ZNF75D: variants seen among roughly 807,000 people sequenced by gnomAD.
ZNF75D encodes zinc finger protein 75D, also known as zinc finger protein 75.
A neutral mutation model predicts 33.3 loss-of-function variants in ZNF75D; 33 were observed. The observed-to-expected ratio is 0.99, with a 90% CI of 0.75 to 1.32. ZNF75D has a LOEUF of 1.32. Among genes scored for constraint, ZNF75D ranks in the 40% most tolerant of loss-of-function variants. ZNF75D has a pLI of 0.00. For missense variants in ZNF75D, 338 were observed against 367.5 expected (o/e 0.92, Z 0.66); for synonymous variants, 113 against 130.6 (o/e 0.87, Z 0.92).
intron 1 of ZNF75D, among the ~76,000 whole-genome samples, chrX:135,317,645 G>A (rs1384782937): frequency 1.8e-5 from 2 of 110,774 alleles, no homozygotes; most frequent in African/African-American, 6.6e-5. Context: ...ACAGGTAGGT[G>A]TCACCTGTGG....
chrX:135,314,674 C>A (rs188542100), intron 1 of ZNF75D, among the ~76,000 whole-genome samples: 116 of 111,635 alleles, frequency 1.0e-3, no homozygotes, highest in Non-Finnish European at 2.0e-3. Context: ...TTGGTCTGTT[C>A]AGGCTTTCTC....
At chrX:135,339,614 C>T (rs2084758360) in intron 1 of ZNF75D, among the ~76,000 whole-genome samples, 1 of 112,096 alleles carries the variant, frequency 8.9e-6, no homozygotes, top group Non-Finnish European at 1.9e-5. Context: ...TCCCAAGCCT[C>T]CCTCCAGGGT....
At chrX:135,281,618 A>G (rs1347375107), downstream of ZNF75D, among the ~76,000 whole-genome samples, 1 of 111,458 alleles carries the variant, frequency 9.0e-6, no homozygotes, top group Non-Finnish European at 1.9e-5. Flanking sequence ...CCTCATCTTC[A>G]TGGATTTATC....
At chrX:135,308,114 C>T (rs918507428) in intron 1 of ZNF75D, among the ~76,000 whole-genome samples, 3 of 112,462 alleles carry the variant, frequency 2.7e-5, no homozygotes, top group South Asian at 3.7e-4. Flanking sequence ...TCCACTTACC[C>T]TATTCTGCTC....
chrX:135,266,480 C>T lies in ZNF75D; in HGVS notation n.828-10703G>A, dbSNP rs147306220. Among the ~76,000 whole-genome samples, 640 of 111,582 alleles carry T rather than the reference C, an allele frequency of 5.7e-3. 3 individuals are homozygous for T. The highest frequency in any genetic ancestry group is 0.019 in the African/African-American group (597 of 30,819). On this transcript the variant is annotated intron_variant and non_coding_transcript_variant, in intron 1 of 3. Coordinates refer to the ZNF75D transcript ENST00000494295. ...CCCAAAAAGAACAAGAGTAGCCACA[C>T]TTGTATTGGACAAAAGAGGTTTCAG...
rs1556419949 is a variant in ZNF75D at position 135,287,519 on chromosome X, T to C, written c.1151A>G (p.His384Arg). The change falls in exon 7 of 7, where the codon CAC (histidine) becomes CGC (arginine). Residue 384 changes from histidine to arginine, a missense_variant. His to Arg is a conservative substitution (Grantham distance 29). Coordinates refer to ENST00000370766, the MANE Select transcript of ZNF75D (RefSeq NM_007131.5). ...FRVSSDLIKH[H>R]RIHTGEKPYK... The stretch of plus-strand genomic sequence containing the variant: ...GGGTTTCTCTCCAGTGTGAATTCTG[T>C]GGTGTTTAATAAGATCAGAGCTAAC... 1.7e-6 allele frequency: 2 copies of C among 1,211,791 alleles called. No individual in the cohort carries two copies. The highest frequency in any genetic ancestry group is 2.2e-6 in the Non-Finnish European group (2 of 895,383).
At chrX:135,332,960 G>C (rs1480152121) in intron 1 of ZNF75D, among the ~76,000 whole-genome samples, 1 of 111,782 alleles carries the variant, frequency 8.9e-6, no homozygotes, top group African/African-American at 3.3e-5. Context: ...TTTACAGAAG[G>C]AAAGTACCCT....
At chrX:135,288,366 G>A (rs1464680399) in intron 6 of ZNF75D, among the ~76,000 whole-genome samples, 1 of 112,583 alleles carries the variant, frequency 8.9e-6, no homozygotes, top group Non-Finnish European at 1.9e-5. Context: ...TGGAGTTTCT[G>A]CTCTTTTTTA....
intron 1 of ZNF75D, among the ~76,000 whole-genome samples, chrX:135,317,948 G>A (rs112130982): frequency 0.021 from 2,310 of 109,745 alleles, 44 homozygotes; most frequent in Non-Finnish European, 0.034. Context: ...CACCTTCAGT[G>A]ACAGCAGCCT....
chrX:135,287,866 A>G lies in ZNF75D; in HGVS notation c.824-20T>C. On this transcript the variant is annotated intron_variant, in intron 6 of 6. Coordinates refer to ENST00000370766, the MANE Select transcript of ZNF75D (RefSeq NM_007131.5). ...TTAACCCTGTTAGAATAAACAGAAT[A>G]ATCAGCCATCTGTGTCCCAGTGAAA... is the stretch of plus-strand genomic sequence containing the variant. The G allele has an allele frequency of 9.0e-7, 1 of 1,117,276 alleles. No individual in the cohort carries two copies. The highest frequency in any genetic ancestry group is 1.8e-5 in the African/African-American group (1 of 55,384). The allele number at this position is 1,117,276 out of a possible 1,213,427, so 92.1% of individuals were successfully genotyped here.
rs138367017 is a variant in ZNF75D at position 135,259,949 on chromosome X, T to C, written n.828-4172A>G. Among the ~76,000 whole-genome samples, 232 of 112,192 alleles carry C rather than the reference T, an allele frequency of 2.1e-3. 5 individuals carry two copies. The East Asian group carries it at 0.06, about 29-fold the overall frequency. On this transcript the variant is annotated intron_variant and non_coding_transcript_variant, in intron 1 of 3. Coordinates refer to the ZNF75D transcript ENST00000494295. ...GTGGGTTTGTCATAAATAGCTCTTA[T>C]TATTTTGAGATACGTTCCATCAGTA...
rs1426810294 is a variant in ZNF75D at position 135,341,872 on chromosome X, G to A, written c.-495C>T. ...AATTGCAGCTGCTGTTCCAGATGTGGTTTCATTTCTTGAGCAAATTAACAT... is the reference window on the plus strand; with the variant it reads ...AATTGCAGCTGCTGTTCCAGATGTGATTTCATTTCTTGAGCAAATTAACAT... On this transcript the variant is annotated 5_prime_UTR_variant, in exon 1 of 7. Coordinates refer to ENST00000370766, the MANE Select transcript of ZNF75D (RefSeq NM_007131.5). 1.8e-5 allele frequency: 2 copies of A among 112,123 alleles called. No homozygotes were observed. Among genetic ancestry groups the A allele is most frequent in the Admixed American group, 1.9e-4 (2 of 10,654 alleles). 9.2% of individuals were successfully genotyped at this position (112,123 alleles called of 1,213,427 possible). A position where few individuals can be genotyped will look rare whatever the true frequency, so the allele number is the denominator to read the frequency against.
intron 1 of ZNF75D, among the ~76,000 whole-genome samples, chrX:135,314,140 G>A (rs927976139): frequency 3.6e-5 from 4 of 111,616 alleles, no homozygotes; most frequent in East Asian, 2.8e-4. Flanking sequence ...CATATATAGC[G>A]TTTATTGTTT....
Position 135,286,070 on chromosome X carries a change from T to A in ZNF75D, c.*1067A>T, listed in dbSNP as rs1164679370. 8.9e-6 allele frequency: 1 copy of A among 112,308 alleles called. No homozygotes were observed. The highest frequency in any genetic ancestry group is 3.2e-5 in the African/African-American group (1 of 30,882). The allele number at this position is 112,308 out of a possible 1,213,427, so 9.3% of individuals were successfully genotyped here. A position where few individuals can be genotyped will look rare whatever the true frequency, so the allele number is the denominator to read the frequency against. ...TCTGGCCTGGCTCTGACTGGCATCATCACTGTGAGCCATATGCCTTACTTT... is the reference window on the plus strand; with the variant it reads ...TCTGGCCTGGCTCTGACTGGCATCAACACTGTGAGCCATATGCCTTACTTT... On this transcript the variant is annotated 3_prime_UTR_variant, in exon 7 of 7. Transcript: ENST00000370766.
At chrX:135,265,935 C>T (rs1556416277) in intron 1 of ZNF75D, among the ~76,000 whole-genome samples, 3 of 111,786 alleles carry the variant, frequency 2.7e-5, no homozygotes, top group African/African-American at 9.7e-5. Flanking sequence ...TAGAATAAGA[C>T]ATAACAAGAA....
chrX:135,313,515 TC>T (rs1373775007), intron 1 of ZNF75D, among the ~76,000 whole-genome samples: 1 of 111,805 alleles, frequency 8.9e-6, no homozygotes, highest in Non-Finnish European at 1.9e-5. Flanking sequence ...GATAATTTTT[TC>T]TATTTCTGTG....
At chrX:135,277,967 C>T (rs868920877) in intron 1 of ZNF75D, among the ~76,000 whole-genome samples, 2 of 111,916 alleles carry the variant, frequency 1.8e-5, no homozygotes, top group Admixed American at 9.5e-5. Context: ...TTTGGCTAAA[C>T]GGGCTCTTTT....
chrX:135,329,907 A>G (rs2084630782), intron 1 of ZNF75D, among the ~76,000 whole-genome samples: 3 of 112,147 alleles, frequency 2.7e-5, no homozygotes, highest in South Asian at 7.4e-4. Flanking sequence ...ATTAATTACT[A>G]TATCATTTCT....
chrX:135,292,339 T>C lies in ZNF75D; in HGVS notation c.546A>G (p.Val182=). ...FQKEYWNTYR[V]LQEQLGWNTH... ...TGTTCCAGCCCAGCTGTTCTTGTAG[T>C]ACCCGGTATGTATTCCAATATTCTT... The change falls in exon 4 of 7, where the codon GTA becomes GTG. Residue 182 remains valine (V), a synonymous_variant. Coordinates refer to ENST00000370766, the MANE Select transcript of ZNF75D (RefSeq NM_007131.5). 1 of 1,211,706 alleles carries C rather than the reference T, an allele frequency of 8.3e-7. No homozygotes were observed.
Sources: gnomAD v4.1 joint callset for allele counts (sites outside exome capture counted in the v4.1 genomes callset) on GRCh38, gnomAD v4.1.1 for gene constraint, MANE v1.5 for transcripts, NCBI Gene and HGNC (gene_info 2026-07-23, HGNC 2026-07-21) for gene names.